AAGAB: variants seen among roughly 807,000 people sequenced by gnomAD.
AAGAB encodes alpha- and gamma-adaptin-binding protein p34.
Under a neutral mutation model 44.1 loss-of-function variants are expected in AAGAB, and 38 were observed. The observed-to-expected ratio is 0.86, with a 90% confidence interval of 0.67 to 1.13. AAGAB has a LOEUF of 1.13. AAGAB is among the 50% of genes most tolerant of loss of function. AAGAB has a pLI of 0.00. For missense variants in AAGAB, 450 were observed against 373.8 expected (o/e 1.20, Z -1.68); for synonymous variants, 131 against 131.8 (o/e 0.99, Z 0.04).
At chr15:67,254,698 C>T (rs1258000959), upstream of AAGAB, 37 of 1,506,642 alleles carry the variant, frequency 2.5e-5, no homozygotes, top group African/African-American at 6.9e-5. Flanking sequence ...CGGCCGCCGG[C>T]GCGAGGGGGA....
intron 5 of AAGAB, among the ~76,000 whole-genome samples, chr15:67,212,945 A>G (rs933252676): frequency 1.3e-5 from 2 of 152,176 alleles, no homozygotes; most frequent in Admixed American, 6.5e-5. Flanking sequence ...CCCTATTAAG[A>G]AGGATTTATG....
chr15:67,236,656 A>G lies in AAGAB; in HGVS notation c.238T>C (p.Phe80Leu), dbSNP rs778899986. 6.8e-6 allele frequency: 11 copies of G among 1,613,548 alleles called. No individual in the cohort carries two copies. The highest frequency in any genetic ancestry group is 1.7e-4 in the Middle Eastern group (1 of 6,058). The change falls in exon 2 of 10, where the codon TTT becomes CTT. Residue 80 changes from phenylalanine (F) to leucine (L), a missense_variant. By Grantham distance (22) the Phe-to-Leu change is conservative. Coordinates refer to ENST00000261880, the MANE Select transcript of AAGAB (RefSeq NM_024666.5). ...TGTGTGCTGTCAAAGTAAACCACAAATGCTTGGACAGATTCTGCAATCTCT... is the reference window on the plus strand; with the variant it reads ...TGTGTGCTGTCAAAGTAAACCACAAGTGCTTGGACAGATTCTGCAATCTCT... ...TAEIAESVQA[F>L]VVYFDSTQKS...
chr15:67,201,249 G>A lies in AAGAB; in HGVS notation c.*1572C>T, dbSNP rs115908756. The A allele has an allele frequency of 6.8e-6, 1 of 147,554 alleles. No individual in the cohort carries two copies. Among genetic ancestry groups the A allele is most frequent in the African/African-American group, 2.5e-5 (1 of 39,896 alleles). The allele number at this position is 147,554 out of a possible 1,614,324, so 9.1% of individuals were successfully genotyped here. On this transcript the variant is annotated 3_prime_UTR_variant, in exon 10 of 10. Coordinates refer to ENST00000261880, the MANE Select transcript of AAGAB (RefSeq NM_024666.5). The stretch of plus-strand genomic sequence containing the variant: ...ACCTCAAAGAAACACTGATGGGCTG[G>A]TGGTGAACCACAGACTCAAAGTCTT...
intron 4 of AAGAB, among the ~76,000 whole-genome samples, chr15:67,234,595 T>C (rs892227544): frequency 2.0e-5 from 3 of 152,186 alleles, no homozygotes; most frequent in Non-Finnish European, 4.4e-5. Flanking sequence ...TACCTAAAGA[T>C]GACATATCAA....
chr15:67,230,173 T>C (rs1456823022), intron 5 of AAGAB, among the ~76,000 whole-genome samples: 2 of 152,052 alleles, frequency 1.3e-5, no homozygotes, highest in Non-Finnish European at 2.9e-5. Flanking sequence ...TTTTTCTCAT[T>C]CCCTTCTGTA....
chr15:67,217,053 T>TACACACATACACCC (rs946465938), intron 5 of AAGAB, among the ~76,000 whole-genome samples: 1 of 152,102 alleles, frequency 6.6e-6, no homozygotes, highest in African/African-American at 2.4e-5. Context: ...ATGCCTTCTA[T>TACACACATACACCC]ACACACATAC....
intron 8 of AAGAB, 70 bp downstream of exon 8, chr15:67,203,974 A>G (rs772953729): frequency 1.6e-4 from 159 of 964,462 alleles, no homozygotes; most frequent in Non-Finnish European, 2.2e-4. Context: ...AGTTAACAAA[A>G]TAAAATGCTA....
At chr15:67,254,707 G>T, upstream of AAGAB, 2 of 1,469,968 alleles carry the variant, frequency 1.4e-6, no homozygotes, top group South Asian at 1.2e-5. Flanking sequence ...GCGCGAGGGG[G>T]AGACAGGCCG....
At chr15:67,253,463 G>A (rs886865310) in intron 1 of AAGAB, among the ~76,000 whole-genome samples, 3 of 151,908 alleles carry the variant, frequency 2.0e-5, no homozygotes, top group African/African-American at 7.3e-5. Context: ...AAAAGAGAAA[G>A]TGAAGGGTAG....
chr15:67,223,121 C>T (rs188590997), intron 5 of AAGAB, among the ~76,000 whole-genome samples: 2 of 152,328 alleles, frequency 1.3e-5, no homozygotes, highest in Admixed American at 6.5e-5. Flanking sequence ...CTGGTTCCTT[C>T]TCTTCTCTCT....
At chr15:67,254,349 G>A (rs765421932) in intron 1 of AAGAB, 3 of 1,346,188 alleles carry the variant, frequency 2.2e-6, no homozygotes, top group South Asian at 3.5e-5. Flanking sequence ...ACAGGAAGCC[G>A]AAAGGAACGC....
At position 67,236,459 on chromosome 15, in the gene AAGAB, C is replaced by T. The variant is rs771913310; in HGVS notation, c.310G>A (p.Ala104Thr). ...AAGATCATCACCTCAGGTAACCATGCTTTTGCCAGTGGAAGCCATGAGGAG... is the reference window on the plus strand; with the variant it reads ...AAGATCATCACCTCAGGTAACCATGTTTTTGCCAGTGGAAGCCATGAGGAG... ...SVSSWLPLAKAWLPEVMILVC... is the reference protein window; with the variant it reads ...SVSSWLPLAKTWLPEVMILVC... The change falls in exon 3 of 10, where the codon GCA (alanine) becomes ACA (threonine). Residue 104 changes from alanine (A) to threonine (T), a missense_variant. Ala to Thr is a moderately conservative substitution (Grantham distance 58, BLOSUM62 0). Transcript: ENST00000261880. 1.2e-6 allele frequency: 2 copies of T among 1,614,120 alleles called. No homozygotes were observed. The highest frequency in any genetic ancestry group is 1.1e-5 in the South Asian group (1 of 91,082).
rs1428504618 is a variant in AAGAB, at chr15:67,236,675, A to C, written c.219T>G (p.Ile73Met). Residue 73 changes from isoleucine (I) to methionine (M), a missense_variant, in exon 2 of 10, where the codon ATT (isoleucine) becomes ATG (methionine). Transcript: ENST00000261880. Reference protein sequence around the residue: ...VPNKFLVTAEIAESVQAFVVY... With the variant: ...VPNKFLVTAEMAESVQAFVVY... ...CCACAAATGCTTGGACAGATTCTGC[A>C]ATCTCTGCAGTAACAAGAAATTTGT... 3 of 1,614,020 alleles carry C rather than the reference A, an allele frequency of 1.9e-6. No homozygotes were observed. Among genetic ancestry groups the C allele is most frequent in the Non-Finnish European group, 2.5e-6 (3 of 1,180,012 alleles).
chr15:67,203,625 T>C (rs1408868354), intron 8 of AAGAB, 28 bp from the exon 9 acceptor site: 1 of 1,606,286 alleles, frequency 6.2e-7, no homozygotes, highest in African/African-American at 1.3e-5. Flanking sequence ...CTTAAGAAAT[T>C]TGTCTAATAG....
At chr15:67,214,962 T>G (rs1477336752) in intron 5 of AAGAB, among the ~76,000 whole-genome samples, 1 of 151,372 alleles carries the variant, frequency 6.6e-6, no homozygotes, top group Admixed American at 6.6e-5. Context: ...AAGTAAGGAC[T>G]ATAACAAAGA....
chr15:67,236,310 C>T, intron 3 of AAGAB, 98 bp downstream of exon 3: 1 of 1,170,592 alleles, frequency 8.5e-7, no homozygotes, highest in Non-Finnish European at 1.2e-6. Context: ...CATAAAGTCA[C>T]ATGGGATGTA....
chr15:67,210,019 A>G (rs997541056), intron 5 of AAGAB, among the ~76,000 whole-genome samples: 2 of 152,200 alleles, frequency 1.3e-5, no homozygotes, highest in Non-Finnish European at 2.9e-5. Flanking sequence ...CTATTAGTCC[A>G]GGTGGAAAAT....
At chr15:67,223,088 CCTTT>C (rs1443497316) in intron 5 of AAGAB, among the ~76,000 whole-genome samples, 1 of 152,198 alleles carries the variant, frequency 6.6e-6, no homozygotes, top group African/African-American at 2.4e-5. Context: ...ACCTCATTGA[CCTTT>C]CTTCCTCAGT....
chr15:67,203,133 TTTG>T (rs1963605390), intron 9 of AAGAB, among the ~76,000 whole-genome samples: 1 of 152,332 alleles, frequency 6.6e-6, no homozygotes, highest in Non-Finnish European at 1.5e-5. Context: ...CATGCACAGC[TTTG>T]TTATTTATAG....
Sources: allele counts gnomAD v4.1 joint callset (sites outside exome capture counted in the v4.1 genomes callset), GRCh38; gene constraint gnomAD v4.1.1; transcripts MANE v1.5; gene names NCBI Gene and HGNC (gene_info 2026-07-23, HGNC 2026-07-21).